SHOC1: variants seen among roughly 807,000 people sequenced by gnomAD.
The protein encoded by SHOC1 is protein shortage in chiasmata 1 ortholog.
In SHOC1, 136 loss-of-function variants were observed where a neutral mutation model predicts 179.2. The ratio of observed to expected loss-of-function variants is 0.76; its 90% CI spans 0.66 to 0.87. SHOC1 has a LOEUF of 0.87. Among genes scored for constraint, SHOC1 ranks in the 40% least tolerant of loss-of-function variants. The pLI is 0.00. For synonymous variants in SHOC1, 489 were observed against 586.6 expected, an observed-to-expected ratio of 0.83 and a Z score of 2.41; for missense variants, 1,538 against 1,700.8, an observed-to-expected ratio of 0.90 and a Z score of 1.68.
intron 18 of SHOC1, among the ~76,000 whole-genome samples, chr9:111,708,613 A>G (rs1023164721): frequency 1.3e-5 from 2 of 152,234 alleles, no homozygotes; most frequent in Non-Finnish European, 2.9e-5. Context: ...CAAAAATTTA[A>G]GTACATAACT....
At chr9:111,733,244 G>A (rs887231456) in intron 12 of SHOC1, among the ~76,000 whole-genome samples, 51 of 152,088 alleles carry the variant, frequency 3.4e-4, no homozygotes, top group African/African-American at 1.2e-3. Flanking sequence ...ATCTTTGCTT[G>A]TATAGATGAA....
intron 12 of SHOC1, among the ~76,000 whole-genome samples, chr9:111,728,341 GT>G (rs1253089211): frequency 6.6e-6 from 1 of 152,062 alleles, no homozygotes; most frequent in Non-Finnish European, 1.5e-5. Flanking sequence ...GCAGGTAACA[GT>G]TACTCCATGG....
At chr9:111,760,444 A>G (rs1835085635) in intron 5 of SHOC1, among the ~76,000 whole-genome samples, 1 of 152,186 alleles carries the variant, frequency 6.6e-6, no homozygotes, top group Admixed American at 6.5e-5. Context: ...AATTGTCACC[A>G]GGAAACAAAA....
At chr9:111,775,432 T>C (rs1835792323) in intron 5 of SHOC1, among the ~76,000 whole-genome samples, 1 of 152,194 alleles carries the variant, frequency 6.6e-6, no homozygotes, top group Admixed American at 6.5e-5. Flanking sequence ...TATTATGTTT[T>C]AAAAACTAAA....
At chr9:111,696,265 A>C (rs2131324420) in intron 24 of SHOC1, among the ~76,000 whole-genome samples, 1 of 152,296 alleles carries the variant, frequency 6.6e-6, no homozygotes, top group South Asian at 2.1e-4. Flanking sequence ...TACTTCCTTG[A>C]TTTTCAAGTT....
Position 111,724,761 on chromosome 9 carries a change from C to T in SHOC1, c.1835-850G>A, listed in dbSNP as rs138164461. ...CAGCAAAGGGCTCCTCCTTTTGTTT[C>T]TTCAGCATTCTGTGAAGACTTCTTT... On this transcript the variant is annotated intron_variant, in intron 13 of 27. Coordinates refer to ENST00000682961, the MANE Select transcript of SHOC1 (RefSeq NM_001378211.1). Among the ~76,000 whole-genome samples, 378 of 152,278 alleles carry T rather than the reference C, an allele frequency of 2.5e-3. 1 individual carries two copies. Among genetic ancestry groups the T allele is most frequent in the African/African-American group, 8.3e-3 (343 of 41,548 alleles).
intron 16 of SHOC1, 96 bp downstream of exon 16, chr9:111,718,088 C>A: frequency 1.3e-6 from 1 of 776,356 alleles, no homozygotes; most frequent in Non-Finnish European, 2.0e-6. Context: ...AAGGCTACAT[C>A]ATTTCTTATA....
intron 12 of SHOC1, among the ~76,000 whole-genome samples, chr9:111,728,807 A>G (rs1216175863): frequency 6.6e-6 from 1 of 152,190 alleles, no homozygotes; most frequent in East Asian, 1.9e-4. Flanking sequence ...AAATGAGTCA[A>G]TTGTATGGTA....
At chr9:111,738,103 T>C in intron 12 of SHOC1, 177 bp downstream of exon 12, 1 of 486,916 alleles carries the variant, frequency 2.1e-6, no homozygotes, top group South Asian at 4.4e-5. Flanking sequence ...AACTTCATCA[T>C]TTTTTCAAGA....
chr9:111,720,169 G>T (rs542659584), intron 15 of SHOC1, among the ~76,000 whole-genome samples: 7 of 152,278 alleles, frequency 4.6e-5, no homozygotes, highest in African/African-American at 1.7e-4. Flanking sequence ...ACAGCCCAAG[G>T]CCCAGAAGTG....
chr9:111,696,351 A>G (rs1427320327), intron 24 of SHOC1, among the ~76,000 whole-genome samples: 3 of 152,186 alleles, frequency 2.0e-5, no homozygotes, highest in Non-Finnish European at 2.9e-5. Context: ...GCTACTAAAT[A>G]AAGTAAGGTA....
At chr9:111,705,066 T>C (rs1832185580) in intron 21 of SHOC1, among the ~76,000 whole-genome samples, 181 bp downstream of exon 21, 1 of 151,930 alleles carries the variant, frequency 6.6e-6, no homozygotes, top group South Asian at 2.1e-4. Context: ...TACATTGATA[T>C]AAACTCTCTG....
chr9:111,715,835 A>C (rs1310409094), intron 16 of SHOC1, among the ~76,000 whole-genome samples: 4 of 152,108 alleles, frequency 2.6e-5, no homozygotes, highest in Non-Finnish European at 4.4e-5. Context: ...CTGTTGTAAT[A>C]CCTATCACAT....
At position 111,756,482 on chromosome 9, in the gene SHOC1, A is replaced by T. The variant is rs1834867410; in HGVS notation, c.709-4T>A. On this transcript the variant is annotated splice_region_variant and splice_polypyrimidine_tract_variant and intron_variant, in intron 7 of 27. Coordinates refer to ENST00000682961, the MANE Select transcript of SHOC1 (RefSeq NM_001378211.1). ...ACTCAATAAGAAAACTTGACGGCTG[A>T]AAAAACATAGTTTAAAAAAGTTTTT... The T allele has an allele frequency of 6.3e-7, 1 of 1,586,850 alleles. No homozygotes were observed. The highest frequency in any genetic ancestry group is 8.5e-7 in the Non-Finnish European group (1 of 1,173,252).
At chr9:111,695,568 C>T (rs1831651678) in intron 24 of SHOC1, among the ~76,000 whole-genome samples, 1 of 152,068 alleles carries the variant, frequency 6.6e-6, no homozygotes, top group Admixed American at 6.5e-5. Flanking sequence ...GAGGCTGAAG[C>T]AAATCTGACT....
intron 8 of SHOC1, among the ~76,000 whole-genome samples, chr9:111,750,743 G>A (rs1317925245): frequency 6.6e-6 from 1 of 152,124 alleles, no homozygotes; most frequent in Non-Finnish European, 1.5e-5. Context: ...CGGGATATTA[G>A]ACCTTTGTCA....
rs143793876 is a variant in SHOC1, at chr9:111,761,632, A to C, written c.443-2784T>G. Among the ~76,000 whole-genome samples the C allele has an allele frequency of 9.8e-3, 1,491 of 152,346 alleles. 26 individuals are homozygous for C. The highest frequency in any genetic ancestry group is 0.035 in the African/African-American group (1,436 of 41,582). ...GAAACCATAAAAGAAAACAATTGGCAGAATTGGTTAGGTTCAAGTTAAATA... is the reference window on the plus strand; with the variant it reads ...GAAACCATAAAAGAAAACAATTGGCCGAATTGGTTAGGTTCAAGTTAAATA... On this transcript the variant is annotated intron_variant, in intron 5 of 27. Coordinates refer to ENST00000682961, the MANE Select transcript of SHOC1 (RefSeq NM_001378211.1).
At chr9:111,768,458 A>T (rs1306618279) in intron 5 of SHOC1, among the ~76,000 whole-genome samples, 1 of 152,126 alleles carries the variant, frequency 6.6e-6, no homozygotes, top group Admixed American at 6.5e-5. Flanking sequence ...ACCTCAGGTG[A>T]TCCACCCACC....
At chr9:111,702,269 CAGTT>C in intron 22 of SHOC1, 43 bp from the exon 23 acceptor site, 1 of 1,213,618 alleles carries the variant, frequency 8.2e-7, no homozygotes, top group Non-Finnish European at 1.2e-6. Flanking sequence ...TTAGGTTGAA[CAGTT>C]ATTATGAAAT....
Sources: gnomAD v4.1 joint callset for allele counts (sites outside exome capture counted in the v4.1 genomes callset) on GRCh38, gnomAD v4.1.1 for gene constraint, MANE v1.5 for transcripts, NCBI Gene and HGNC (gene_info 2026-07-23, HGNC 2026-07-21) for gene names.